The following GLRA3 variants were observed in gnomAD, a reference collection of about 807,000 sequenced individuals.
The protein encoded by GLRA3 is glycine receptor subunit alpha-3.
GLRA3 carries 44 observed loss-of-function variants against 60.4 expected under a neutral mutation model. The observed-to-expected ratio is 0.73, with a 90% CI of 0.57 to 0.94. The LOEUF (loss-of-function observed/expected upper bound fraction) is 0.94. GLRA3 is among the 40% of genes least tolerant of loss of function. The probability of loss-of-function intolerance (pLI) is 0.00; values close to 1 mark genes in which losing one functional copy is unlikely to be tolerated. For synonymous variants in GLRA3, 223 were observed against 192.9 expected (o/e 1.16, Z -1.29); for missense variants, 508 against 564.6 (o/e 0.90, Z 1.02).
At chr4:174,696,802 A>G (rs1735073492) in intron 5 of GLRA3, among the ~76,000 whole-genome samples, 1 of 152,122 alleles carries the variant, frequency 6.6e-6, no homozygotes, top group Admixed American at 6.5e-5. Context: ...ATAGAAACAA[A>G]CACAAATGCA....
At chr4:174,792,356 C>T (rs187552032) in intron 1 of GLRA3, among the ~76,000 whole-genome samples, 187 of 152,000 alleles carry the variant, frequency 1.2e-3, no homozygotes, top group Middle Eastern at 6.9e-3. Context: ...ATGATCTTTT[C>T]TTCACGTGTG....
At chr4:174,681,099 A>T (rs533984227) in intron 6 of GLRA3, among the ~76,000 whole-genome samples, 13 of 152,302 alleles carry the variant, frequency 8.5e-5, no homozygotes, top group African/African-American at 3.1e-4. Context: ...GTGCTTCTAG[A>T]ATGTAAAGTT....
intron 1 of GLRA3, among the ~76,000 whole-genome samples, chr4:174,798,908 G>A (rs1345134632): frequency 6.6e-6 from 1 of 151,740 alleles, no homozygotes; most frequent in Non-Finnish European, 1.5e-5. Context: ...GCGACAGAGG[G>A]AGACTCTGCC....
intron 3 of GLRA3, among the ~76,000 whole-genome samples, chr4:174,759,248 T>C (rs1360380463): frequency 2.0e-5 from 3 of 152,036 alleles, no homozygotes; most frequent in Non-Finnish European, 4.4e-5. Flanking sequence ...TTATAAAGCA[T>C]GAGGACTAAA....
At chr4:174,790,825 C>CAA (rs751090125) in intron 1 of GLRA3, among the ~76,000 whole-genome samples, 1,691 of 65,022 alleles carry the variant, frequency 0.026, 48 homozygotes, top group African/African-American at 0.053. Flanking sequence ...CTAAAAAATA[C>CAA]AAAAAAAAAA....
chr4:174,789,117 A>G (rs1739231131), intron 1 of GLRA3, among the ~76,000 whole-genome samples, 174 bp from the exon 2 acceptor site: 1 of 152,216 alleles, frequency 6.6e-6, no homozygotes, highest in Non-Finnish European at 1.5e-5. Flanking sequence ...TTTATAGTCA[A>G]TACTTGTAAG....
intron 1 of GLRA3, among the ~76,000 whole-genome samples, chr4:174,803,552 C>A (rs1739906409): frequency 6.6e-6 from 1 of 152,090 alleles, no homozygotes; most frequent in African/African-American, 2.4e-5. Flanking sequence ...TTGCCTTGGG[C>A]AAGCCAGACA....
chr4:174,674,066 T>C (rs532035020), intron 7 of GLRA3, among the ~76,000 whole-genome samples: 1 of 152,332 alleles, frequency 6.6e-6, no homozygotes, highest in East Asian at 1.9e-4. Flanking sequence ...CATCATCTGC[T>C]GTGGACTACA....
Position 174,788,809 on chromosome 4 carries a change from C to A in GLRA3, c.199+7G>T. ...CACACATATAAAGTAGCAAACAGAA[C>A]AATTACCTTTAAAATTGGGTCTGAT... On this transcript the variant is annotated splice_region_variant and intron_variant, in intron 2 of 9. Coordinates refer to ENST00000274093, the MANE Select transcript of GLRA3 (RefSeq NM_006529.4). 1.3e-6 allele frequency: 2 copies of A among 1,589,200 alleles called. No homozygotes were observed. Among genetic ancestry groups the A allele is most frequent in the South Asian group, 1.1e-5 (1 of 87,540 alleles).
chr4:174,683,211 C>T (rs1384926960), intron 5 of GLRA3, among the ~76,000 whole-genome samples: 1 of 152,136 alleles, frequency 6.6e-6, no homozygotes, highest in African/African-American at 2.4e-5. Flanking sequence ...CATGCATATA[C>T]ATTCTTTCCT....
intron 5 of GLRA3, among the ~76,000 whole-genome samples, chr4:174,703,773 T>C (rs1735412141): frequency 6.6e-6 from 1 of 152,204 alleles, no homozygotes; most frequent in African/African-American, 2.4e-5. Flanking sequence ...ATAACTTATA[T>C]AGTTTCTCAG....
intron 8 of GLRA3, 51 bp from the exon 9 acceptor site, chr4:174,656,838 T>G (rs780538781): frequency 2.0e-6 from 2 of 985,704 alleles, no homozygotes; most frequent in Non-Finnish European, 3.3e-6. Flanking sequence ...AGAGAATCAA[T>G]TCATATATGA....
At chr4:174,710,634 G>A (rs1397134813) in intron 5 of GLRA3, among the ~76,000 whole-genome samples, 1 of 151,806 alleles carries the variant, frequency 6.6e-6, no homozygotes, top group East Asian at 1.9e-4. Context: ...CTTCCTTCTT[G>A]TTTTCAAATA....
At chr4:174,760,539 G>C (rs938697997) in intron 3 of GLRA3, among the ~76,000 whole-genome samples, 1 of 140,352 alleles carries the variant, frequency 7.1e-6, no homozygotes, top group Non-Finnish European at 1.5e-5. Flanking sequence ...TTTTTTTTTT[G>C]AGAGGGAGTC....
intron 5 of GLRA3, among the ~76,000 whole-genome samples, chr4:174,697,364 A>T (rs1344585435): frequency 2.6e-5 from 4 of 152,216 alleles, no homozygotes; most frequent in Non-Finnish European, 5.9e-5. Flanking sequence ...GGAATTCAAA[A>T]AGCAGAAGGA....
At chr4:174,827,770 A>G (rs1741036432) in intron 1 of GLRA3, among the ~76,000 whole-genome samples, 1 of 152,076 alleles carries the variant, frequency 6.6e-6, no homozygotes, top group Non-Finnish European at 1.5e-5. Context: ...AAGGTAGCCC[A>G]AAGATGAAAA....
At chr4:174,721,262 C>T (rs1432906090) in intron 4 of GLRA3, among the ~76,000 whole-genome samples, 1 of 152,078 alleles carries the variant, frequency 6.6e-6, no homozygotes, top group African/African-American at 2.4e-5. Flanking sequence ...CTCCTGACCT[C>T]ATGATCTTCC....
At chr4:174,816,956 T>G (rs1454317814) in intron 1 of GLRA3, among the ~76,000 whole-genome samples, 1 of 152,174 alleles carries the variant, frequency 6.6e-6, no homozygotes, top group Non-Finnish European at 1.5e-5. Context: ...CCCTCAACTA[T>G]TTCCATATTA....
chr4:174,811,961 A>C (rs1169144039), intron 1 of GLRA3, among the ~76,000 whole-genome samples: 1 of 152,190 alleles, frequency 6.6e-6, no homozygotes, highest in Non-Finnish European at 1.5e-5. Flanking sequence ...TCTAAATCTT[A>C]TTTGGTAAAA....
Sources: gnomAD v4.1 joint callset for allele counts (sites outside exome capture counted in the v4.1 genomes callset) on GRCh38, gnomAD v4.1.1 for gene constraint, MANE v1.5 for transcripts, NCBI Gene and HGNC (gene_info 2026-07-23, HGNC 2026-07-21) for gene names.